The following DDAH1 variants were observed in gnomAD, a reference collection of about 807,000 sequenced individuals.
DDAH1 encodes dimethylarginine dimethylaminohydrolase 1.
In DDAH1, 19 loss-of-function variants were observed where a neutral mutation model predicts 28.8. The observed-to-expected ratio is 0.66, with a 90% CI of 0.46 to 0.97. The LOEUF (loss-of-function observed/expected upper bound fraction) is 0.97, where lower values mean the gene tolerates loss of function less well. DDAH1 is among the 50% of genes least tolerant of loss of function. The pLI, the probability that DDAH1 is intolerant of heterozygous loss-of-function variation, is 0.00. For synonymous variants in DDAH1, 153 were observed against 154.4 expected, an observed-to-expected ratio of 0.99 and a Z score of 0.07; for missense variants, 326 against 375.9, an observed-to-expected ratio of 0.87 and a Z score of 1.10.
upstream of DDAH1, among the ~76,000 whole-genome samples, chr1:85,469,302 T>C (rs1413739801): frequency 6.6e-6 from 1 of 152,122 alleles, no homozygotes; most frequent in African/African-American, 2.4e-5. Context: ...ACATCAGCTG[T>C]GGGGAGGCAT....
intron 1 of DDAH1, among the ~76,000 whole-genome samples, chr1:85,412,076 T>C (rs1652675949): frequency 6.6e-6 from 1 of 152,238 alleles, no homozygotes; most frequent in East Asian, 1.9e-4. Flanking sequence ...ATGTACCAAA[T>C]TCCAGACATA....
intron 1 of DDAH1, among the ~76,000 whole-genome samples, chr1:85,450,396 G>A (rs999634716): frequency 2.9e-4 from 44 of 152,036 alleles, no homozygotes; most frequent in African/African-American, 9.2e-4. Context: ...ACAGGTGACC[G>A]AAGCTTTCTA....
intron 1 of DDAH1, among the ~76,000 whole-genome samples, chr1:85,527,799 A>G (rs1657925522): frequency 6.6e-6 from 1 of 152,224 alleles, no homozygotes. Flanking sequence ...TATATTATTA[A>G]CAAATGCTAT....
intron 4 of DDAH1, among the ~76,000 whole-genome samples, chr1:85,347,110 G>GAAAC (rs1334876917): frequency 6.6e-6 from 1 of 152,044 alleles, no homozygotes; most frequent in Non-Finnish European, 1.5e-5. Flanking sequence ...AAAAAGTCAG[G>GAAAC]AAACAACAGG....
chr1:85,565,662 AAGAAGTGCTTCAGGC>A (rs1659276036), intron 1 of DDAH1, among the ~76,000 whole-genome samples: 1 of 152,250 alleles, frequency 6.6e-6, no homozygotes, highest in Non-Finnish European at 1.5e-5. Context: ...GAAACATTAA[AAGAAGTGCTTCAGGC>A]AGAAGCAAAA....
rs901113576 is a variant in DDAH1 at position 85,415,249 on chromosome 1, C to T, written c.303+49494G>A. On this transcript the variant is annotated intron_variant, in intron 1 of 5. Coordinates refer to ENST00000284031, the MANE Select transcript of DDAH1 (RefSeq NM_012137.4). Reference sequence around the variant, plus strand: ...CAGAATGGTCTCAAACTCCTGACCTCGTGATCCACCCACCTTGGCCTCCCA... The same window carrying T: ...CAGAATGGTCTCAAACTCCTGACCTTGTGATCCACCCACCTTGGCCTCCCA... Among the ~76,000 whole-genome samples the T allele has an allele frequency of 3.4e-4, 51 of 152,182 alleles. 1 individual carries two copies. Among genetic ancestry groups the T allele is most frequent in the African/African-American group, 1.2e-3 (51 of 41,548 alleles).
At chr1:85,506,971 G>C (rs1347119402) in intron 1 of DDAH1, among the ~76,000 whole-genome samples, 1 of 151,948 alleles carries the variant, frequency 6.6e-6, no homozygotes, top group African/African-American at 2.4e-5. Context: ...AAGAAGAGGG[G>C]GTAGAGGCAT....
chr1:85,464,902 C>G lies in DDAH1; in HGVS notation c.144G>C (p.Gln48His), dbSNP rs1299704647. 1 of 1,567,354 alleles carries G rather than the reference C, an allele frequency of 6.4e-7. No homozygotes were observed. Among genetic ancestry groups the G allele is most frequent in the East Asian group, 2.4e-5 (1 of 41,002 alleles). ...VDVARAERQH[Q>H]LYVGVLGSKL... ...TGCTGCCCAGCACGCCCACGTAGAG[C>G]TGGTGCTGCCGTTCCGCGCGGGCGA... Residue 48 changes from glutamine (Q) to histidine (H), a missense_variant, in exon 1 of 6, where the codon CAG becomes CAC. Gln to His is a conservative substitution (Grantham distance 24). Coordinates refer to ENST00000284031, the MANE Select transcript of DDAH1 (RefSeq NM_012137.4). This position sits in a 1 kb window ranked among gnomAD's most constrained non-coding sequence, Gnocchi z 4.4.
At chr1:85,489,999 T>TC (rs1656333943) in intron 2 of DDAH1, among the ~76,000 whole-genome samples, 1 of 152,204 alleles carries the variant, frequency 6.6e-6, no homozygotes, top group South Asian at 2.1e-4. Flanking sequence ...CCAAATATGA[T>TC]CTCATTTGAT....
intron 1 of DDAH1, among the ~76,000 whole-genome samples, chr1:85,544,609 A>G (rs1318086752): frequency 1.3e-5 from 2 of 152,124 alleles, no homozygotes; most frequent in Non-Finnish European, 2.9e-5. Context: ...AGCCCTACCT[A>G]TCTTAATCAG....
intron 2 of DDAH1, among the ~76,000 whole-genome samples, chr1:85,486,388 G>A (rs1244919134): frequency 6.6e-6 from 1 of 152,168 alleles, no homozygotes; most frequent in Non-Finnish European, 1.5e-5. Context: ...AAAAGGCTCA[G>A]GGAGAATTGT....
chr1:85,460,506 C>A (rs1454523802), intron 1 of DDAH1, among the ~76,000 whole-genome samples: 2 of 152,106 alleles, frequency 1.3e-5, no homozygotes, highest in East Asian at 1.9e-4. Context: ...GACAAAATTA[C>A]CCCACATACT....
chr1:85,559,537 T>C (rs934226567), intron 1 of DDAH1, among the ~76,000 whole-genome samples: 2 of 152,018 alleles, frequency 1.3e-5, no homozygotes, highest in African/African-American at 4.8e-5. Flanking sequence ...TTAGAAATGA[T>C]GGAGATAATG....
intron 1 of DDAH1, among the ~76,000 whole-genome samples, chr1:85,422,538 G>A (rs939314431): frequency 1.3e-5 from 2 of 152,174 alleles, no homozygotes; most frequent in Admixed American, 6.5e-5. Flanking sequence ...TGCATTTTAC[G>A]TTTTGGTGTA....
chr1:85,438,680 G>C (rs1186741247), intron 1 of DDAH1, among the ~76,000 whole-genome samples: 1 of 152,168 alleles, frequency 6.6e-6, no homozygotes, highest in Admixed American at 6.5e-5. Context: ...CAAATTAAAT[G>C]CTGCCATTGC....
chr1:85,366,753 A>C (rs1650097037), intron 1 of DDAH1, among the ~76,000 whole-genome samples: 1 of 152,310 alleles, frequency 6.6e-6, no homozygotes, highest in South Asian at 2.1e-4. Context: ...GGATTAAAAA[A>C]ACTCCAGAAA....
At chr1:85,364,574 T>C (rs1305707966) in intron 1 of DDAH1, among the ~76,000 whole-genome samples, 1 of 151,590 alleles carries the variant, frequency 6.6e-6, no homozygotes, top group Non-Finnish European at 1.5e-5. Flanking sequence ...TGAGACAGAG[T>C]TTCACTCTTT....
chr1:85,355,579 A>C (rs1412544845), intron 2 of DDAH1, among the ~76,000 whole-genome samples: 1 of 152,218 alleles, frequency 6.6e-6, no homozygotes, highest in East Asian at 1.9e-4. Context: ...AACAGATTAA[A>C]GAAAATCATA....
chr1:85,377,601 G>A (rs1038190136), intron 1 of DDAH1, among the ~76,000 whole-genome samples: 1 of 152,032 alleles, frequency 6.6e-6, no homozygotes, highest in African/African-American at 2.4e-5. Flanking sequence ...TTTTCAATTG[G>A]TATTGATGAG....
Sources: allele counts gnomAD v4.1 joint callset (sites outside exome capture counted in the v4.1 genomes callset), GRCh38; gene constraint gnomAD v4.1.1; non-coding constraint Gnocchi (gnomAD v3.1); transcripts MANE v1.5; gene names NCBI Gene and HGNC (gene_info 2026-07-23, HGNC 2026-07-21).